Variants in UXS1 observed in about 807,000 individuals in gnomAD.
UXS1 encodes UDP-glucuronate decarboxylase 1.
In UXS1, 33 loss-of-function variants were observed where a neutral mutation model predicts 62.6. That is an observed-to-expected ratio of 0.53 (90% CI 0.40 to 0.70). The LOEUF is 0.70. UXS1 is among the 30% of genes least tolerant of loss of function. UXS1 has a pLI of 0.00. For synonymous variants in UXS1, 213 were observed against 206.8 expected, an observed-to-expected ratio of 1.03 and a Z score of -0.26; for missense variants, 434 against 556.3, an observed-to-expected ratio of 0.78 and a Z score of 2.21.
At chr2:106,189,892 G>A (rs1404301069) in intron 1 of UXS1, among the ~76,000 whole-genome samples, 1 of 152,208 alleles carries the variant, frequency 6.6e-6, no homozygotes, top group Non-Finnish European at 1.5e-5. Context: ...CCAAACCAGG[G>A]AGTGAAACAA....
intron 5 of UXS1, among the ~76,000 whole-genome samples, chr2:106,148,233 G>A (rs756463647): frequency 6.6e-6 from 1 of 152,128 alleles, no homozygotes; most frequent in African/African-American, 2.4e-5. Flanking sequence ...TATGAAAAAC[G>A]ATTTTCCAGA....
At chr2:106,149,399 A>C (rs1012938983) in intron 5 of UXS1, among the ~76,000 whole-genome samples, 1 of 152,356 alleles carries the variant, frequency 6.6e-6, no homozygotes, top group Non-Finnish European at 1.5e-5. Context: ...CAGTGTTAAA[A>C]GGTGGGGTGA....
intron 10 of UXS1, among the ~76,000 whole-genome samples, chr2:106,107,588 A>G (rs1678193018): frequency 6.6e-6 from 1 of 152,148 alleles, no homozygotes; most frequent in South Asian, 2.1e-4. Context: ...TCAACCAAAC[A>G]AGGGACTTGT....
chr2:106,175,962 T>C (rs1683851799), intron 1 of UXS1, among the ~76,000 whole-genome samples: 2 of 152,216 alleles, frequency 1.3e-5, no homozygotes, highest in Admixed American at 6.5e-5. Context: ...AATCTATTGA[T>C]GCTCATACGC....
Position 106,111,518 on chromosome 2 carries a change from G to C in UXS1, c.879+1128C>G, listed in dbSNP as rs114099800. 3.3e-3 allele frequency among the ~76,000 whole-genome samples: 505 copies of C among 152,302 alleles called. 3 individuals are homozygous for C. Among genetic ancestry groups the C allele is most frequent in the African/African-American group, 0.011 (475 of 41,564 alleles). ...TAGCGGAGCAGCCAACACAGACAAG[G>C]AGACACACACCACGGAGAATGCTCA... On this transcript the variant is annotated intron_variant, in intron 10 of 14. Transcript: ENST00000283148.
intron 9 of UXS1, among the ~76,000 whole-genome samples, chr2:106,122,723 T>C (rs1679619579): frequency 6.6e-6 from 1 of 152,222 alleles, no homozygotes; most frequent in African/African-American, 2.4e-5. Context: ...AGAAGCATTC[T>C]GTTCATAGCC....
chr2:106,170,414 G>A (rs575303890), intron 1 of UXS1, among the ~76,000 whole-genome samples: 73 of 152,296 alleles, frequency 4.8e-4, no homozygotes, highest in African/African-American at 1.3e-3. Context: ...AAGATGAGGC[G>A]TTTTCATATT....
intron 9 of UXS1, among the ~76,000 whole-genome samples, chr2:106,121,026 A>C (rs916550523): frequency 6.6e-6 from 1 of 152,150 alleles, no homozygotes; most frequent in Admixed American, 6.5e-5. Flanking sequence ...CAGGAATTTA[A>C]ATGCTGATGT....
intron 6 of UXS1, among the ~76,000 whole-genome samples, chr2:106,137,476 C>G (rs1410774563): frequency 6.6e-6 from 1 of 152,118 alleles, no homozygotes; most frequent in Non-Finnish European, 1.5e-5. Flanking sequence ...CACTTTGGAG[C>G]AGGACTGTGC....
At chr2:106,126,826 C>T (rs542873925) in intron 7 of UXS1, among the ~76,000 whole-genome samples, 1 of 152,244 alleles carries the variant, frequency 6.6e-6, no homozygotes, top group Non-Finnish European at 1.5e-5. Context: ...TCCACTGAAA[C>T]GGACATTCCA....
At chr2:106,138,702 G>A (rs368749412) in intron 6 of UXS1, 23 of 985,310 alleles carry the variant, frequency 2.3e-5, no homozygotes, top group Non-Finnish European at 2.4e-5. Context: ...CTGCTGCTCC[G>A]GAAGGCTGAG....
chr2:106,104,851 A>C lies in UXS1; in HGVS notation c.880-14T>G, dbSNP rs1677921604. On this transcript the variant is annotated splice_polypyrimidine_tract_variant and intron_variant, in intron 10 of 14. Coordinates refer to ENST00000283148, the MANE Select transcript of UXS1 (RefSeq NM_001253875.2). ...GGATCCGTATACCTGGAAGGAAACCAACAGTTAGGCCTCCTGATAAAACCA... is the reference window on the plus strand; with the variant it reads ...GGATCCGTATACCTGGAAGGAAACCCACAGTTAGGCCTCCTGATAAAACCA... 1 of 1,613,804 alleles carries C rather than the reference A, an allele frequency of 6.2e-7. No individual in the cohort carries two copies. The highest frequency in any genetic ancestry group is 8.5e-7 in the Non-Finnish European group (1 of 1,179,878).
At chr2:106,139,352 AGAGC>A (rs1172849617) in intron 6 of UXS1, among the ~76,000 whole-genome samples, 1 of 152,200 alleles carries the variant, frequency 6.6e-6, no homozygotes, top group Non-Finnish European at 1.5e-5. Context: ...TTCCTACCAG[AGAGC>A]ATGCAGGGTA....
intron 1 of UXS1, among the ~76,000 whole-genome samples, chr2:106,174,800 G>A (rs985274846): frequency 2.0e-5 from 3 of 152,174 alleles, no homozygotes; most frequent in Non-Finnish European, 2.9e-5. Context: ...ATCCCACAGC[G>A]GAAGACAGGC....
intron 1 of UXS1, among the ~76,000 whole-genome samples, chr2:106,185,888 G>A (rs777158128): frequency 6.6e-5 from 10 of 152,172 alleles, no homozygotes; most frequent in Non-Finnish European, 1.0e-4. Context: ...GGAGCATTCC[G>A]AGGGAGCTCA....
chr2:106,178,001 G>T (rs1683998961), intron 1 of UXS1, among the ~76,000 whole-genome samples: 1 of 152,202 alleles, frequency 6.6e-6, no homozygotes, highest in Admixed American at 6.5e-5. Flanking sequence ...GTAAGACAAA[G>T]AACAGAGTCA....
chr2:106,170,628 TGA>T (rs1683497873), intron 1 of UXS1, among the ~76,000 whole-genome samples: 1 of 152,192 alleles, frequency 6.6e-6, no homozygotes, highest in African/African-American at 2.4e-5. Flanking sequence ...CTGCTTTGCT[TGA>T]GAGATAATTC....
intron 6 of UXS1, among the ~76,000 whole-genome samples, chr2:106,144,816 T>TG (rs1368211637): frequency 1.2e-4 from 18 of 152,276 alleles, no homozygotes; most frequent in African/African-American, 4.3e-4. Context: ...TCTGTCTCCA[T>TG]GAACTCATCA....
At chr2:106,126,801 T>C (rs1300588990) in intron 7 of UXS1, among the ~76,000 whole-genome samples, 1 of 152,202 alleles carries the variant, frequency 6.6e-6, no homozygotes, top group Non-Finnish European at 1.5e-5. Context: ...GACATTGATA[T>C]GATCAGTGAC....
Sources: gnomAD v4.1 joint callset for allele counts (sites outside exome capture counted in the v4.1 genomes callset) on GRCh38, gnomAD v4.1.1 for gene constraint, MANE v1.5 for transcripts, NCBI Gene and HGNC (gene_info 2026-07-23, HGNC 2026-07-21) for gene names.